KIF13A: variants seen among roughly 807,000 people sequenced by gnomAD.
The protein encoded by KIF13A is kinesin-like protein KIF13A.
KIF13A carries 79 observed loss-of-function variants against 212.2 expected under a neutral mutation model. The ratio of observed to expected loss-of-function variants is 0.37; its 90% CI spans 0.31 to 0.45. KIF13A has a LOEUF of 0.45. KIF13A is among the 20% of genes least tolerant of loss of function. KIF13A has a pLI of 1.00. For missense variants in KIF13A, 1,901 were observed against 2,209.0 expected, an observed-to-expected ratio of 0.86 and a Z score of 2.79; for synonymous variants, 789 against 808.6, an observed-to-expected ratio of 0.98 and a Z score of 0.41.
At chr6:17,893,832 C>CTTTTTTTTTTT (rs139288852) in intron 3 of KIF13A, among the ~76,000 whole-genome samples, 1 of 77,330 alleles carries the variant, frequency 1.3e-5, no homozygotes, top group Non-Finnish European at 2.5e-5. Context: ...TTTCCTGCAT[C>CTTTTTTTTTTT]TTTTTTTTTT....
intron 19 of KIF13A, among the ~76,000 whole-genome samples, chr6:17,805,072 C>T (rs936752749): frequency 6.6e-6 from 1 of 152,096 alleles, no homozygotes; most frequent in Non-Finnish European, 1.5e-5. Flanking sequence ...TACCTGGCCA[C>T]GATCACAGCT....
intron 23 of KIF13A, among the ~76,000 whole-genome samples, chr6:17,796,224 C>CG (rs1443704124): frequency 6.8e-6 from 1 of 146,262 alleles, no homozygotes; most frequent in Admixed American, 6.9e-5. Flanking sequence ...TTTTTGGAGA[C>CG]GGAGTCTCAC....
intron 2 of KIF13A, among the ~76,000 whole-genome samples, chr6:17,921,147 G>A (rs1020134208): frequency 6.6e-6 from 1 of 152,074 alleles, no homozygotes; most frequent in African/African-American, 2.4e-5. Flanking sequence ...CAGAGTAGGG[G>A]GTCCCATAAT....
chr6:17,857,335 T>C (rs150534233), intron 4 of KIF13A, among the ~76,000 whole-genome samples: 13 of 152,276 alleles, frequency 8.5e-5, no homozygotes, highest in South Asian at 4.1e-4. Flanking sequence ...TGGGAGACGA[T>C]TGGATCATGG....
intron 3 of KIF13A, among the ~76,000 whole-genome samples, chr6:17,874,568 C>T (rs1770330967): frequency 6.6e-6 from 1 of 152,078 alleles, no homozygotes; most frequent in African/African-American, 2.4e-5. Flanking sequence ...TCCTGGGTAG[C>T]TGGGACTACA....
At position 17,888,217 on chromosome 6, in the gene KIF13A, C is replaced by A. The variant is rs72657603; in HGVS notation, c.159+9951G>T. Among the ~76,000 whole-genome samples, 1,764 of 152,114 alleles carry A rather than the reference C, an allele frequency of 0.012. 84 individuals carry two copies. The East Asian group carries it at 0.16, about 14-fold the overall frequency. On this transcript the variant is annotated intron_variant, in intron 3 of 38. Transcript: ENST00000259711. This position sits in a 1 kb window ranked among gnomAD's most constrained non-coding sequence, Gnocchi z 4.8. The stretch of plus-strand genomic sequence containing the variant: ...AATCTTCCTTATCATGTTATGAATT[C>A]TAGAAAACAAAAACTACTAGTTTAG...
At chr6:17,905,130 TA>T (rs1319573296) in intron 2 of KIF13A, among the ~76,000 whole-genome samples, 2 of 152,272 alleles carry the variant, frequency 1.3e-5, no homozygotes, top group Non-Finnish European at 2.9e-5. Flanking sequence ...TTGTGATTTT[TA>T]AAAAAAATTT....
In KIF13A at chr6:17,833,976, T is replaced by C. The variant is rs567904856; in HGVS notation, c.1251A>G (p.Thr417=). 3 of 1,577,984 alleles carry C rather than the reference T, an allele frequency of 1.9e-6. No homozygotes were observed. The highest frequency in any genetic ancestry group is 1.9e-5 in the Admixed American group (1 of 52,486). Reference sequence around the variant, plus strand: ...ATCAAGCTACCTGTGCTATCTCTTCTGTTTTTCTCAGCTTCTCTTCCCAAG... The same window carrying C: ...ATCAAGCTACCTGTGCTATCTCTTCCGTTTTTCTCAGCTTCTCTTCCCAAG... ...TVTWEEKLRK[T]EEIAQERQRQ... The change falls in exon 12 of 39, where the codon ACA becomes ACG. Residue 417 remains threonine (T), a synonymous_variant. Coordinates refer to ENST00000259711, the MANE Select transcript of KIF13A (RefSeq NM_022113.6).
chr6:17,923,396 T>G (rs1311997241), intron 2 of KIF13A, among the ~76,000 whole-genome samples: 1 of 152,010 alleles, frequency 6.6e-6, no homozygotes, highest in East Asian at 1.9e-4. Flanking sequence ...AGACTTCAAT[T>G]AGGAGAGATT....
At chr6:17,854,704 C>T (rs1023059770) in intron 6 of KIF13A, among the ~76,000 whole-genome samples, 5 of 151,248 alleles carry the variant, frequency 3.3e-5, no homozygotes, top group African/African-American at 7.3e-5. Flanking sequence ...AGATGCCCAT[C>T]GCCACACCTG....
At position 17,771,277 on chromosome 6, in the gene KIF13A, A is replaced by G. The variant is rs1759473620; in HGVS notation, c.4477-59T>C. On this transcript the variant is annotated intron_variant, in intron 37 of 38. Transcript: ENST00000259711. This position sits in a 1 kb window ranked among gnomAD's most constrained non-coding sequence, Gnocchi z 5.4. ...ACAAAGACGACAACGGCCAAAATAC[A>G]TATTAAGTACATGCAAGTTAGAAAA... 9.3e-7 allele frequency: 1 copy of G among 1,071,570 alleles called. No homozygotes were observed. Among genetic ancestry groups the G allele is most frequent in the Non-Finnish European group, 1.4e-6 (1 of 705,334 alleles). 66.4% of individuals were successfully genotyped at this position (1,071,570 alleles called of 1,614,324 possible).
At chr6:17,863,977 A>C (rs1049320858) in intron 4 of KIF13A, among the ~76,000 whole-genome samples, 1 of 152,186 alleles carries the variant, frequency 6.6e-6, no homozygotes, top group Admixed American at 6.5e-5. Flanking sequence ...TGGATCCCAT[A>C]AAAGACGCAA....
rs1287485764 is a variant in KIF13A, at chr6:17,843,469, A to C, written c.831-5886T>G. ...AAAACTGTTGTTCTTCTGATAAAAG[A>C]AGGTACAAATTCAGCTGACAGAAGC... On this transcript the variant is annotated intron_variant, in intron 9 of 38. Transcript: ENST00000259711. The surrounding 1 kb of genome is among the most constrained non-coding windows in gnomAD (Gnocchi z 5.3). Among the ~76,000 whole-genome samples, 1 of 152,228 alleles carries C rather than the reference A, an allele frequency of 6.6e-6. No individual in the cohort carries two copies. The highest frequency in any genetic ancestry group is 1.5e-5 in the Non-Finnish European group (1 of 68,040).
chr6:17,909,894 AAGAG>A (rs765655826), intron 2 of KIF13A, among the ~76,000 whole-genome samples: 41 of 152,208 alleles, frequency 2.7e-4, no homozygotes, highest in Non-Finnish European at 4.8e-4. Flanking sequence ...AAAACAAAAA[AAGAG>A]AGAGAGAGTG....
In KIF13A at chr6:17,915,710, G is replaced by A. The variant is rs149973208; in HGVS notation, c.147-17530C>T. ...GGCACAGTGGCTCACGCCTGTAATC[G>A]CAGCACTTTGGGAGGCTAAGGCAGG... is the stretch of plus-strand genomic sequence containing the variant. On this transcript the variant is annotated intron_variant, in intron 2 of 38. Transcript: ENST00000259711. The surrounding 1 kb of genome is among the most constrained non-coding windows in gnomAD (Gnocchi z 4.4). 0.011 allele frequency among the ~76,000 whole-genome samples: 1,610 copies of A among 152,062 alleles called. 26 individuals carry two copies. The highest frequency in any genetic ancestry group is 0.037 in the African/African-American group (1,515 of 41,474).
intron 3 of KIF13A, 31 bp from the exon 4 acceptor site, chr6:17,873,468 A>C: frequency 7.0e-7 from 1 of 1,435,140 alleles, no homozygotes; most frequent in East Asian, 2.5e-5. Flanking sequence ...TTAAACTTAA[A>C]GATTAATTAA....
At chr6:17,784,172 C>CA (rs1425911829) in intron 28 of KIF13A, among the ~76,000 whole-genome samples, 28 of 152,298 alleles carry the variant, frequency 1.8e-4, no homozygotes, top group African/African-American at 6.7e-4. Context: ...GTAATCCCAG[C>CA]ACTTTGGGAG....
rs1774417887 is a variant in KIF13A, at chr6:17,915,530, A to T, written c.147-17350T>A. Among the ~76,000 whole-genome samples the T allele has an allele frequency of 2.6e-5, 4 of 152,190 alleles. No homozygotes were observed. Among genetic ancestry groups the T allele is most frequent in the Admixed American group, 2.6e-4 (4 of 15,284 alleles). ...GCTGATGCCAGATGCTTGCAGTTTG[A>T]CAGCGTGCAGGACCTGCCACCTTGA... On this transcript the variant is annotated intron_variant, in intron 2 of 38. Coordinates refer to ENST00000259711, the MANE Select transcript of KIF13A (RefSeq NM_022113.6). This position sits in a 1 kb window ranked among gnomAD's most constrained non-coding sequence, Gnocchi z 4.4.
intron 2 of KIF13A, among the ~76,000 whole-genome samples, chr6:17,916,385 C>G (rs900499350): frequency 1.3e-5 from 2 of 152,162 alleles, no homozygotes; most frequent in Non-Finnish European, 2.9e-5. Flanking sequence ...TCCTATAACG[C>G]CTGTTACCTT....
Sources: gnomAD v4.1 joint callset for allele counts (sites outside exome capture counted in the v4.1 genomes callset) on GRCh38, gnomAD v4.1.1 for gene constraint, Gnocchi (gnomAD v3.1) non-coding constraint, MANE v1.5 for transcripts, NCBI Gene and HGNC (gene_info 2026-07-23, HGNC 2026-07-21) for gene names.